Variants in STXBP5L observed in about 807,000 individuals in gnomAD.
STXBP5L encodes syntaxin-binding protein 5-like.
A neutral mutation model predicts 144.5 loss-of-function variants in STXBP5L; 65 were observed. That is an observed-to-expected ratio of 0.45 (90% confidence interval 0.37 to 0.55). The LOEUF is 0.55. STXBP5L is among the 20% of genes least tolerant of loss of function. The pLI is 0.00. For missense variants in STXBP5L, 1,298 were observed against 1,405.5 expected (o/e 0.92, Z 1.22); for synonymous variants, 505 against 469.6 (o/e 1.08, Z -0.97).
intron 22 of STXBP5L, 126 bp downstream of exon 22, chr3:121,381,658 T>A: frequency 8.0e-7 from 1 of 1,257,528 alleles, no homozygotes; most frequent in Non-Finnish European, 1.1e-6. Context: ...TGGGAACTAT[T>A]AAGAATTTTA....
intron 19 of STXBP5L, among the ~76,000 whole-genome samples, chr3:121,295,113 T>A (rs1336043000): frequency 6.6e-6 from 1 of 152,036 alleles, no homozygotes. Context: ...TTTTTTAATT[T>A]TAGAGAAAAG....
At chr3:121,325,323 A>G (rs1241570999) in intron 20 of STXBP5L, among the ~76,000 whole-genome samples, 1 of 152,040 alleles carries the variant, frequency 6.6e-6, no homozygotes, top group Non-Finnish European at 1.5e-5. Flanking sequence ...ACAGTATTTT[A>G]TTTTTCTCTT....
Position 121,256,186 on chromosome 3 carries a change from T to C in STXBP5L, c.1660-975T>C, listed in dbSNP as rs184660690. On this transcript the variant is annotated intron_variant, in intron 16 of 26. Transcript: ENST00000471454. Reference sequence around the variant, plus strand: ...AAATACCAATTTCATAGGGTTCTTGTGATGATTATATAAAGACATTATAAT... The same window carrying C: ...AAATACCAATTTCATAGGGTTCTTGCGATGATTATATAAAGACATTATAAT... Among the ~76,000 whole-genome samples the C allele has an allele frequency of 3.3e-5, 5 of 152,184 alleles. No homozygotes were observed. The East Asian group carries it at 9.6e-4, about 29-fold the overall frequency.
At chr3:121,191,267 C>T (rs1037863761) in intron 9 of STXBP5L, among the ~76,000 whole-genome samples, 9 of 152,284 alleles carry the variant, frequency 5.9e-5, no homozygotes, top group Non-Finnish European at 8.8e-5. Context: ...ACTGAGTGAG[C>T]GAGACTCCCT....
At chr3:121,157,749 A>G (rs1424662375) in intron 9 of STXBP5L, 122 bp downstream of exon 9, 1 of 1,346,576 alleles carries the variant, frequency 7.4e-7, no homozygotes, top group East Asian at 2.8e-5. Context: ...CTGGTTCTAA[A>G]CATCCCTTTT....
At chr3:121,171,972 C>T (rs1172017702) in intron 9 of STXBP5L, among the ~76,000 whole-genome samples, 8 of 152,138 alleles carry the variant, frequency 5.3e-5, no homozygotes, top group Admixed American at 5.2e-4. Context: ...CTACAGTAAC[C>T]CAAACAGCAT....
At chr3:121,242,265 A>G (rs1011092459) in intron 14 of STXBP5L, among the ~76,000 whole-genome samples, 6 of 152,166 alleles carry the variant, frequency 3.9e-5, no homozygotes, top group African/African-American at 1.4e-4. Context: ...GGATTTTTAA[A>G]TGTATATTTT....
At chr3:121,292,123 G>A (rs1055005227) in intron 19 of STXBP5L, among the ~76,000 whole-genome samples, 1 of 152,074 alleles carries the variant, frequency 6.6e-6, no homozygotes. Context: ...CCCACAGAGT[G>A]GGAGAAAATT....
intron 24 of STXBP5L, among the ~76,000 whole-genome samples, chr3:121,414,047 GA>G (rs989400710): frequency 5.3e-5 from 8 of 152,224 alleles, no homozygotes; most frequent in African/African-American, 1.9e-4. Context: ...AATTTAGTAA[GA>G]ATTCATATAA....
At chr3:121,139,396 T>C (rs1354226194) in intron 7 of STXBP5L, among the ~76,000 whole-genome samples, 1 of 152,030 alleles carries the variant, frequency 6.6e-6, no homozygotes, top group Non-Finnish European at 1.5e-5. Context: ...GAATGACACA[T>C]GTCAAATTTT....
At chr3:121,221,839 C>T (rs1466339981) in intron 10 of STXBP5L, among the ~76,000 whole-genome samples, 2 of 151,424 alleles carry the variant, frequency 1.3e-5, no homozygotes, top group Non-Finnish European at 3.0e-5. Flanking sequence ...AAATAATACA[C>T]ACATTTTATA....
At chr3:121,284,185 T>G (rs946840480) in intron 19 of STXBP5L, among the ~76,000 whole-genome samples, 1 of 151,978 alleles carries the variant, frequency 6.6e-6, no homozygotes, top group Non-Finnish European at 1.5e-5. Flanking sequence ...CCTTCAGAAT[T>G]TTTTTTCAGC....
chr3:121,293,966 G>T (rs570029576), intron 19 of STXBP5L, among the ~76,000 whole-genome samples: 122 of 152,362 alleles, frequency 8.0e-4, no homozygotes, highest in Non-Finnish European at 1.2e-3. Context: ...TAGTCATGCG[G>T]AAGAGAAAAA....
At chr3:121,039,989 C>T (rs1454309145) in intron 3 of STXBP5L, among the ~76,000 whole-genome samples, 1 of 151,950 alleles carries the variant, frequency 6.6e-6, no homozygotes, top group Non-Finnish European at 1.5e-5. Flanking sequence ...GATCTATCTT[C>T]TGTATATCTA....
chr3:121,345,085 G>T (rs956518780), intron 20 of STXBP5L, among the ~76,000 whole-genome samples: 1 of 151,938 alleles, frequency 6.6e-6, no homozygotes, highest in Non-Finnish European at 1.5e-5. Context: ...AGGTATACAT[G>T]TGCCATGTTG....
At chr3:121,308,220 A>G (rs1305555681) in intron 19 of STXBP5L, among the ~76,000 whole-genome samples, 1 of 152,230 alleles carries the variant, frequency 6.6e-6, no homozygotes, top group East Asian at 1.9e-4. Flanking sequence ...TACCTATGTA[A>G]GAAACCTGCA....
chr3:121,231,251 G>T (rs338979), intron 11 of STXBP5L, among the ~76,000 whole-genome samples: 112,725 of 152,096 alleles, frequency 0.74, 41,962 homozygotes, highest in East Asian at 0.93. Flanking sequence ...CTCGACTGGT[G>T]GTGGCCAAGA....
intron 10 of STXBP5L, among the ~76,000 whole-genome samples, chr3:121,220,952 C>A (rs1174709986): frequency 6.6e-6 from 1 of 151,918 alleles, no homozygotes; most frequent in African/African-American, 2.4e-5. Context: ...ACATGGTAAG[C>A]ACTCAGTAAA....
chr3:121,152,661 G>A (rs1577070351), intron 8 of STXBP5L, 101 bp downstream of exon 8: 1 of 798,326 alleles, frequency 1.3e-6, no homozygotes, highest in East Asian at 2.9e-5. Context: ...GCCTTGGAAA[G>A]TTGCCTGATT....
Sources: gnomAD v4.1 joint callset for allele counts (sites outside exome capture counted in the v4.1 genomes callset) on GRCh38, gnomAD v4.1.1 for gene constraint, MANE v1.5 for transcripts, NCBI Gene and HGNC (gene_info 2026-07-23, HGNC 2026-07-21) for gene names.